The following NODAL variants were observed in gnomAD, a reference collection of about 807,000 sequenced individuals.
The protein encoded by NODAL is nodal homolog.
A neutral mutation model predicts 34.0 loss-of-function variants in NODAL; 12 were observed. That is an observed-to-expected ratio of 0.35 (90% CI 0.23 to 0.57). NODAL has a LOEUF of 0.57. Among genes scored for constraint, NODAL ranks in the 20% least tolerant of loss-of-function variants. The probability of loss-of-function intolerance (pLI) is 0.83; values close to 1 mark genes in which losing one functional copy is unlikely to be tolerated. For synonymous variants in NODAL, 162 were observed against 186.4 expected, an observed-to-expected ratio of 0.87 and a Z score of 1.07; for missense variants, 390 against 444.2, an observed-to-expected ratio of 0.88 and a Z score of 1.10.
intron 1 of NODAL, among the ~76,000 whole-genome samples, chr10:70,440,813 C>T (rs533005844): frequency 6.6e-6 from 1 of 152,174 alleles, no homozygotes; most frequent in Non-Finnish European, 1.5e-5. Flanking sequence ...CCAAGGCTGC[C>T]ACAGTTCGCG....
rs1028269006 is a variant in NODAL at position 70,432,650 on chromosome 10, T to G, written c.*286A>C. ...TTTAAAAAATCCAGTAAAGAACTCA[T>G]GCACTTGTGCTTTTCCTTGCCACTG... is the stretch of plus-strand genomic sequence containing the variant. On this transcript the variant is annotated 3_prime_UTR_variant, in exon 3 of 3. Coordinates refer to ENST00000287139, the MANE Select transcript of NODAL (RefSeq NM_018055.5). The G allele has an allele frequency of 4.3e-6, 2 of 468,960 alleles. No homozygotes were observed. 29.0% of individuals were successfully genotyped at this position (468,960 alleles called of 1,614,324 possible).
chr10:70,447,672 A>AAG (rs1554851118), intron 1 of NODAL, among the ~76,000 whole-genome samples: 9 of 150,436 alleles, frequency 6.0e-5, no homozygotes, highest in South Asian at 2.1e-4. Context: ...GGAAAAAAAA[A>AAG]AAGAAGAAGA....
Position 70,432,885 on chromosome 10 carries a change from T to C in NODAL, c.*51A>G. ...AGATGGTTATCATGTCTTCCAGGAG[T>C]TTCCCAGCCTTCCAGAGTGCAGGCA... On this transcript the variant is annotated 3_prime_UTR_variant, in exon 3 of 3. Coordinates refer to ENST00000287139, the MANE Select transcript of NODAL (RefSeq NM_018055.5). The C allele has an allele frequency of 6.2e-7, 1 of 1,606,958 alleles. No homozygotes were observed. The highest frequency in any genetic ancestry group is 8.5e-7 in the Non-Finnish European group (1 of 1,173,872).
chr10:70,445,206 G>A (rs996919372), upstream of NODAL, among the ~76,000 whole-genome samples: 3 of 152,152 alleles, frequency 2.0e-5, no homozygotes, highest in Admixed American at 6.5e-5. Flanking sequence ...CAAAAAAGAT[G>A]GCATGCTTTC....
At chr10:70,447,215 A>G (rs559072563) in intron 1 of NODAL, among the ~76,000 whole-genome samples, 1 of 152,184 alleles carries the variant, frequency 6.6e-6, no homozygotes, top group African/African-American at 2.4e-5. Context: ...CTGATATTAC[A>G]GGTGAGTGCC....
chr10:70,432,469 A>G lies in NODAL; in HGVS notation c.*467T>C. 1 of 217,932 alleles carries G rather than the reference A, an allele frequency of 4.6e-6. No individual in the cohort carries two copies. The highest frequency in any genetic ancestry group is 9.3e-6 in the Non-Finnish European group (1 of 107,588). 13.5% of individuals were successfully genotyped at this position (217,932 alleles called of 1,614,324 possible). ...CAATGAGATTGACGGACTCTTTTTA[A>G]TCTATACAGTGATCCTTAATCTTTG... On this transcript the variant is annotated 3_prime_UTR_variant, in exon 3 of 3. Coordinates refer to ENST00000287139, the MANE Select transcript of NODAL (RefSeq NM_018055.5).
intron 1 of NODAL, among the ~76,000 whole-genome samples, chr10:70,439,938 G>A (rs901951214): frequency 2.0e-5 from 3 of 152,242 alleles, no homozygotes; most frequent in Non-Finnish European, 2.9e-5. Flanking sequence ...TGGGCGCAGT[G>A]GCGCGCGCCT....
intron 1 of NODAL, 141 bp downstream of exon 1, chr10:70,441,334 T>C (rs1368467052): frequency 1.2e-5 from 11 of 886,594 alleles, no homozygotes; most frequent in Admixed American, 9.6e-5. Context: ...AGCTAGGCCC[T>C]GGGCTCGGGA....
Position 70,435,419 on chromosome 10 carries a change from T to G in NODAL, c.758A>C (p.Gln253Pro). ...CCATCCGATCAGGTTGAAGTCCACCTGGAACTTGACCTTCCGACACAGTTG... is the reference window on the plus strand; with the variant it reads ...CCATCCGATCAGGTTGAAGTCCACCGGGAACTTGACCTTCCGACACAGTTG... The part of the protein sequence containing the change: ...RSQLCRKVKF[Q>P]VDFNLIGWGS... The change falls in exon 2 of 3, where the codon CAG becomes CCG. Residue 253 changes from glutamine to proline, a missense_variant. Coordinates refer to ENST00000287139, the MANE Select transcript of NODAL (RefSeq NM_018055.5). 1 of 1,614,200 alleles carries G rather than the reference T, an allele frequency of 6.2e-7. No individual in the cohort carries two copies. Among genetic ancestry groups the G allele is most frequent in the Non-Finnish European group, 8.5e-7 (1 of 1,180,038 alleles).
intron 1 of NODAL, among the ~76,000 whole-genome samples, chr10:70,438,247 T>C (rs1161994340): frequency 1.6e-4 from 25 of 152,230 alleles, no homozygotes; most frequent in Middle Eastern, 3.4e-3. Flanking sequence ...TGAGCTGAGA[T>C]TGCGCCATTG....
chr10:70,432,973 T>C lies in NODAL; in HGVS notation c.1007A>G (p.His336Arg). ...ACATTCTTCCACGATCATGTCTTTA[T>C]GGTGATCTAGGAGCACTCTGCCATT... The part of the protein sequence containing the change: ...VDNGRVLLDH[H>R]KDMIVEECGC... The change falls in exon 3 of 3, where the codon CAT (histidine) becomes CGT (arginine). Residue 336 changes from histidine to arginine, a missense_variant. Physicochemically the swap from His to Arg is conservative, Grantham distance 29. Transcript: ENST00000287139. The C allele has an allele frequency of 6.2e-7, 1 of 1,614,200 alleles. No individual in the cohort carries two copies. Among genetic ancestry groups the C allele is most frequent in the Non-Finnish European group, 8.5e-7 (1 of 1,180,046 alleles).
Position 70,435,891 on chromosome 10 carries a change from G to C in NODAL, c.286C>G (p.Gln96Glu). ...GGGAGGTCCACAGGGCTGGACAGCT[G>C]CAGCCGGAGCTCAGCCCATGCCAGA... ...EDLAWAELRL[Q>E]LSSPVDLPTE... Residue 96 changes from glutamine (Q) to glutamate (E), a missense_variant, in exon 2 of 3, where the codon CAG becomes GAG. Gln to Glu is a conservative substitution (Grantham distance 29). Transcript: ENST00000287139. 1 of 1,614,150 alleles carries C rather than the reference G, an allele frequency of 6.2e-7. No homozygotes were observed. Among genetic ancestry groups the C allele is most frequent in the Non-Finnish European group, 8.5e-7 (1 of 1,180,038 alleles).
chr10:70,434,443 ATC>A (rs1564666840), intron 2 of NODAL, among the ~76,000 whole-genome samples: 1 of 152,110 alleles, frequency 6.6e-6, no homozygotes, highest in Non-Finnish European at 1.5e-5. Context: ...GCTCACTGCA[ATC>A]TCTGCCTCCC....
At chr10:70,436,207 T>C in intron 1 of NODAL, 1 of 581,510 alleles carries the variant, frequency 1.7e-6, no homozygotes. Flanking sequence ...GGTGTCATTC[T>C]TGGAAGGTGG....
At chr10:70,437,096 G>A (rs1307414254) in intron 1 of NODAL, among the ~76,000 whole-genome samples, 2 of 152,168 alleles carry the variant, frequency 1.3e-5, no homozygotes, top group Non-Finnish European at 2.9e-5. Context: ...TCTGGTCCTG[G>A]ATTGATTTTC....
At chr10:70,436,027 C>T in intron 1 of NODAL, 44 bp from the exon 2 acceptor site, 1 of 1,525,904 alleles carries the variant, frequency 6.6e-7, no homozygotes, top group South Asian at 1.1e-5. Flanking sequence ...GAGTGAGGGC[C>T]TCCCCCAGCC....
upstream of NODAL, among the ~76,000 whole-genome samples, chr10:70,445,890 T>C (rs1482609022): frequency 6.6e-6 from 1 of 152,172 alleles, no homozygotes; most frequent in Admixed American, 6.5e-5. Flanking sequence ...AGACAGCTCA[T>C]TTCTGATGTG....
intron 1 of NODAL, among the ~76,000 whole-genome samples, chr10:70,437,909 T>C (rs1845376899): frequency 6.6e-6 from 1 of 152,124 alleles, no homozygotes; most frequent in Admixed American, 6.6e-5. Context: ...CTAGCAGCTT[T>C]CCCCAGAAGT....
intron 1 of NODAL, chr10:70,436,512 A>G (rs1427399603): frequency 6.0e-6 from 1 of 167,312 alleles, no homozygotes; most frequent in Admixed American, 6.7e-5. Context: ...GAGCCAAGAC[A>G]GTGCCATTGC....
Sources: gnomAD v4.1 joint callset for allele counts (sites outside exome capture counted in the v4.1 genomes callset) on GRCh38, gnomAD v4.1.1 for gene constraint, MANE v1.5 for transcripts, NCBI Gene and HGNC (gene_info 2026-07-23, HGNC 2026-07-21) for gene names.